Variants in ITGBL1 observed in about 807,000 individuals in gnomAD.
The protein encoded by ITGBL1 is integrin beta-like protein 1.
A neutral mutation model predicts 68.5 loss-of-function variants in ITGBL1; 51 were observed. That is an observed-to-expected ratio of 0.74 (90% CI 0.59 to 0.94). The LOEUF (loss-of-function observed/expected upper bound fraction) is 0.94, where lower values mean the gene tolerates loss of function less well. Among genes scored for constraint, ITGBL1 ranks in the 40% least tolerant of loss-of-function variants. The pLI is 0.00. For missense variants in ITGBL1, 649 were observed against 647.4 expected (o/e 1.00, Z -0.03); for synonymous variants, 209 against 227.3 (o/e 0.92, Z 0.72).
intron 7 of ITGBL1, among the ~76,000 whole-genome samples, chr13:101,675,114 TTCA>T (rs1418815338): frequency 6.6e-6 from 1 of 152,160 alleles, no homozygotes. Context: ...AAAATGCCAT[TTCA>T]TCATCATCTG....
chr13:101,708,984 A>T (rs1045933969), intron 9 of ITGBL1, among the ~76,000 whole-genome samples: 6 of 152,258 alleles, frequency 3.9e-5, no homozygotes, highest in Non-Finnish European at 8.8e-5. Context: ...ACCTACCTTG[A>T]ATTCAAGCTG....
chr13:101,463,816 A>G (rs188235571), intron 2 of ITGBL1, among the ~76,000 whole-genome samples: 181 of 152,044 alleles, frequency 1.2e-3, no homozygotes, highest in Non-Finnish European at 1.9e-3. Context: ...TGTAATAAAC[A>G]TTACTGAATG....
At position 101,609,245 on chromosome 13, in the gene ITGBL1, A is replaced by G. The variant is rs910719088; in HGVS notation, c.1015+10946A>G. Among the ~76,000 whole-genome samples the G allele has an allele frequency of 2.6e-5, 4 of 152,106 alleles. No individual in the cohort carries two copies. In the East Asian group the frequency reaches 5.8e-4, roughly 22 times the overall value. On this transcript the variant is annotated intron_variant, in intron 7 of 10. Transcript: ENST00000376180. ...GTTATTTATTATGAGGTTATTAAGG[A>G]TAGTACTGATATGAGAAGACTGAGA... is the stretch of plus-strand genomic sequence containing the variant.
In ITGBL1 at chr13:101,454,019, A is replaced by T. The variant is rs1020644399; in HGVS notation, c.235A>T (p.Thr79Ser). ...CTGCGGCGTCTGCATCTGCCACGTG[A>T]CTGAGCCGGGCATGTTCTTCGGGCC... ...CDCGVCICHV[T>S]EPGMFFGPLC... Residue 79 changes from threonine (T) to serine (S), a missense_variant, in exon 2 of 11, where the codon ACT becomes TCT. By Grantham distance (58) the Thr-to-Ser change is moderately conservative. Transcript: ENST00000376180. 38 of 1,583,694 alleles carry T rather than the reference A, an allele frequency of 2.4e-5. No homozygotes were observed. The highest frequency in any genetic ancestry group is 5.4e-5 in the African/African-American group (4 of 73,930).
At chr13:101,632,857 C>T (rs1285747174) in intron 7 of ITGBL1, among the ~76,000 whole-genome samples, 9 of 152,188 alleles carry the variant, frequency 5.9e-5, no homozygotes, top group Non-Finnish European at 1.2e-4. Flanking sequence ...CAGACTAAGT[C>T]TAGCCTTCAG....
At chr13:101,543,847 G>T (rs2049761788) in intron 2 of ITGBL1, among the ~76,000 whole-genome samples, 1 of 152,120 alleles carries the variant, frequency 6.6e-6, no homozygotes, top group Non-Finnish European at 1.5e-5. Context: ...GATCAAATCG[G>T]CTACTGAGGC....
At chr13:101,546,520 A>G (rs1054805888) in intron 2 of ITGBL1, among the ~76,000 whole-genome samples, 3 of 152,210 alleles carry the variant, frequency 2.0e-5, no homozygotes, top group African/African-American at 7.2e-5. Flanking sequence ...GATAGAAATA[A>G]TTTAAAAAGT....
At chr13:101,656,359 C>A (rs896774523) in intron 7 of ITGBL1, among the ~76,000 whole-genome samples, 1 of 152,110 alleles carries the variant, frequency 6.6e-6, no homozygotes, top group South Asian at 2.1e-4. Flanking sequence ...GTTTTCCCCC[C>A]ACAAAGGACA....
intron 7 of ITGBL1, among the ~76,000 whole-genome samples, chr13:101,670,727 G>A (rs1342227283): frequency 6.6e-6 from 1 of 152,164 alleles, no homozygotes; most frequent in Non-Finnish European, 1.5e-5. Context: ...AAATTCTGAA[G>A]GATGTGTCTC....
chr13:101,660,780 T>C (rs1444896524), intron 7 of ITGBL1, among the ~76,000 whole-genome samples: 1 of 152,184 alleles, frequency 6.6e-6, no homozygotes, highest in African/African-American at 2.4e-5. Flanking sequence ...ACTTTCATAA[T>C]TTTGCAAAGA....
chr13:101,531,674 C>A (rs1186821501), intron 2 of ITGBL1, among the ~76,000 whole-genome samples: 1 of 148,332 alleles, frequency 6.7e-6, no homozygotes, highest in African/African-American at 2.5e-5. Flanking sequence ...TTTGATTTTT[C>A]TTGAAGGTTT....
intron 2 of ITGBL1, among the ~76,000 whole-genome samples, chr13:101,564,036 C>T (rs1214902337): frequency 6.6e-6 from 1 of 151,912 alleles, no homozygotes; most frequent in Non-Finnish European, 1.5e-5. Context: ...ACTGTAGTCA[C>T]AGACTAAATA....
chr13:101,630,452 T>C (rs567667268), intron 7 of ITGBL1, among the ~76,000 whole-genome samples: 1 of 152,182 alleles, frequency 6.6e-6, no homozygotes, highest in Non-Finnish European at 1.5e-5. Flanking sequence ...ATGATGTGAA[T>C]CTCTTAATTG....
At chr13:101,491,403 G>T (rs1357194979) in intron 2 of ITGBL1, among the ~76,000 whole-genome samples, 1 of 152,130 alleles carries the variant, frequency 6.6e-6, no homozygotes, top group Non-Finnish European at 1.5e-5. Flanking sequence ...ACTTCATCTA[G>T]CAGATATAAG....
Position 101,697,991 on chromosome 13 carries a change from C to G in ITGBL1, c.1132+5290C>G, listed in dbSNP as rs139672240. Among the ~76,000 whole-genome samples, 17 of 152,144 alleles carry G rather than the reference C, an allele frequency of 1.1e-4. No individual in the cohort carries two copies. In the East Asian group the frequency reaches 3.1e-3, roughly 28 times the overall value. ...AGCTGGTTTTTCCAAAGCAATTAGT[C>G]CCCCCCATCATCTCTCCAGTGGAGA... On this transcript the variant is annotated intron_variant, in intron 8 of 10. Transcript: ENST00000376180.
At chr13:101,608,771 T>A (rs1459628812) in intron 7 of ITGBL1, among the ~76,000 whole-genome samples, 1 of 152,102 alleles carries the variant, frequency 6.6e-6, no homozygotes, top group Non-Finnish European at 1.5e-5. Context: ...GGAATAGTCA[T>A]GAACTGAGTT....
intron 7 of ITGBL1, among the ~76,000 whole-genome samples, chr13:101,602,879 A>G (rs2030473305): frequency 2.6e-5 from 4 of 151,992 alleles, no homozygotes; most frequent in Admixed American, 2.6e-4. Context: ...TGCAAGGTTT[A>G]TCAAAGTTGT....
chr13:101,550,276 G>GA (rs1202888157), intron 2 of ITGBL1, among the ~76,000 whole-genome samples: 16 of 152,218 alleles, frequency 1.1e-4, no homozygotes, highest in Non-Finnish European at 1.8e-4. Flanking sequence ...TGCCTCTGGA[G>GA]AAAAAGAGTA....
intron 8 of ITGBL1, among the ~76,000 whole-genome samples, chr13:101,698,298 TAACTG>T (rs1335731084): frequency 6.6e-6 from 1 of 152,204 alleles, no homozygotes; most frequent in Non-Finnish European, 1.5e-5. Context: ...TGTATAAACT[TAACTG>T]ATCAGCAGAT....
Sources: allele counts gnomAD v4.1 joint callset (sites outside exome capture counted in the v4.1 genomes callset), GRCh38; gene constraint gnomAD v4.1.1; transcripts MANE v1.5; gene names NCBI Gene and HGNC (gene_info 2026-07-23, HGNC 2026-07-21).